MALRD1: variants seen among roughly 807,000 people sequenced by gnomAD.
The protein encoded by MALRD1 is MAM and LDL receptor class A domain containing 1.
A neutral mutation model predicts 242.1 loss-of-function variants in MALRD1; 247 were observed. The ratio of observed to expected loss-of-function variants is 1.02; its 90% CI spans 0.92 to 1.13. The LOEUF is 1.13. MALRD1 is among the 50% of genes most tolerant of loss of function. The probability of loss-of-function intolerance (pLI) is 0.00; values close to 1 mark genes in which losing one functional copy is unlikely to be tolerated. For synonymous variants in MALRD1, 995 were observed against 866.6 expected, an observed-to-expected ratio of 1.15 and a Z score of -2.60; for missense variants, 2,989 against 2,533.1, an observed-to-expected ratio of 1.18 and a Z score of -3.86.
chr10:19,513,341 A>G (rs1245650763), intron 31 of MALRD1, among the ~76,000 whole-genome samples: 4 of 151,986 alleles, frequency 2.6e-5, no homozygotes, highest in African/African-American at 4.8e-5. Context: ...TCATGACCAT[A>G]AGCTTCCTGA....
At chr10:19,158,607 CA>C (rs1834266592) in intron 12 of MALRD1, among the ~76,000 whole-genome samples, 1 of 152,098 alleles carries the variant, frequency 6.6e-6, no homozygotes, top group Admixed American at 6.5e-5. Flanking sequence ...GCTATATTAC[CA>C]AAGTAAACAT....
intron 32 of MALRD1, among the ~76,000 whole-genome samples, chr10:19,534,541 A>G (rs895325170): frequency 1.3e-5 from 2 of 152,322 alleles, no homozygotes; most frequent in East Asian, 1.9e-4. Context: ...ATTGATGCCA[A>G]AAGTCCAATT....
At chr10:19,539,791 A>G (rs1018118281) in intron 32 of MALRD1, among the ~76,000 whole-genome samples, 5 of 149,984 alleles carry the variant, frequency 3.3e-5, no homozygotes, top group East Asian at 2.0e-4. Flanking sequence ...TGCTCAAGTT[A>G]TCCTCCCACG....
At chr10:19,643,171 C>A (rs982774467) in intron 36 of MALRD1, among the ~76,000 whole-genome samples, 2 of 152,128 alleles carry the variant, frequency 1.3e-5, no homozygotes, top group Non-Finnish European at 2.9e-5. Context: ...GTGGCTCACG[C>A]CTGTAATCCC....
intron 11 of MALRD1, among the ~76,000 whole-genome samples, chr10:19,147,522 A>G (rs1833765096): frequency 6.6e-6 from 1 of 152,230 alleles, no homozygotes. Context: ...CATTGTAACT[A>G]TGTATTAACA....
At chr10:19,540,964 A>G (rs1297699479) in intron 32 of MALRD1, among the ~76,000 whole-genome samples, 1 of 152,140 alleles carries the variant, frequency 6.6e-6, no homozygotes, top group Non-Finnish European at 1.5e-5. Context: ...AAATAAAAAT[A>G]TATTCAGGGT....
At chr10:19,322,016 G>C (rs1842931788) in intron 21 of MALRD1, among the ~76,000 whole-genome samples, 1 of 152,058 alleles carries the variant, frequency 6.6e-6, no homozygotes, top group Non-Finnish European at 1.5e-5. Flanking sequence ...GAGAGGCATG[G>C]ACAATTCAAG....
At chr10:19,179,480 T>C (rs1835404267) in intron 14 of MALRD1, among the ~76,000 whole-genome samples, 1 of 151,902 alleles carries the variant, frequency 6.6e-6, no homozygotes, top group African/African-American at 2.4e-5. Context: ...CAAAACCCCA[T>C]CTCTACTAAA....
chr10:19,488,816 G>A (rs1589148137), intron 29 of MALRD1: 1 of 344,136 alleles, frequency 2.9e-6, no homozygotes, highest in South Asian at 2.2e-5. Context: ...CGATGGAAAG[G>A]TGTGTGGCCA....
intron 38 of MALRD1, among the ~76,000 whole-genome samples, chr10:19,714,806 G>A (rs569515502): frequency 6.6e-6 from 1 of 152,274 alleles, no homozygotes; most frequent in East Asian, 1.9e-4. Flanking sequence ...TACAAGGTGT[G>A]TGGGCAGGGT....
At chr10:19,665,501 A>C (rs1841638427) in intron 36 of MALRD1, among the ~76,000 whole-genome samples, 1 of 152,070 alleles carries the variant, frequency 6.6e-6, no homozygotes. Context: ...GGTAGAGTTC[A>C]TTCTCTGTGG....
chr10:19,165,491 G>A, intron 12 of MALRD1, 146 bp from the exon 13 acceptor site: 1 of 485,594 alleles, frequency 2.1e-6, no homozygotes, highest in Non-Finnish European at 3.2e-6. Flanking sequence ...TATTAGTAGA[G>A]ATGGTGTTTC....
At chr10:19,540,961 A>G in intron 32 of MALRD1, among the ~76,000 whole-genome samples, 1 of 152,276 alleles carries the variant, frequency 6.6e-6, no homozygotes, top group South Asian at 2.1e-4. Context: ...TAAAAATAAA[A>G]ATATATTCAG....
At chr10:19,371,865 C>G (rs1246269175) in intron 26 of MALRD1, among the ~76,000 whole-genome samples, 1 of 152,004 alleles carries the variant, frequency 6.6e-6, no homozygotes. Flanking sequence ...TGTTTACTAC[C>G]TGGGTCATAG....
chr10:19,359,279 C>T (rs1202762972), intron 26 of MALRD1, among the ~76,000 whole-genome samples: 1 of 152,078 alleles, frequency 6.6e-6, no homozygotes, highest in African/African-American at 2.4e-5. Context: ...TCACAGAATG[C>T]CTCTTTTTGC....
intron 34 of MALRD1, among the ~76,000 whole-genome samples, chr10:19,595,767 T>C (rs1838065125): frequency 6.6e-6 from 1 of 152,198 alleles, no homozygotes. Context: ...GGAAGTGGTG[T>C]GAGAAGTTCA....
chr10:19,433,871 A>AAC (rs144149293), intron 28 of MALRD1, among the ~76,000 whole-genome samples: 101 of 150,432 alleles, frequency 6.7e-4, no homozygotes, highest in Middle Eastern at 3.4e-3. Context: ...TTATATGGCA[A>AAC]ACACACACAC....
At chr10:19,246,475 G>GA in intron 18 of MALRD1, among the ~76,000 whole-genome samples, 1 of 152,212 alleles carries the variant, frequency 6.6e-6, no homozygotes, top group East Asian at 1.9e-4. Context: ...GCATGAAGGG[G>GA]AAAAAGCCTG....
intron 17 of MALRD1, among the ~76,000 whole-genome samples, chr10:19,208,885 C>T (rs1033091330): frequency 3.3e-5 from 5 of 152,034 alleles, no homozygotes; most frequent in Admixed American, 6.6e-5. Context: ...TTTTAATGTT[C>T]CCTGGTGATT....
Sources: gnomAD v4.1 joint callset for allele counts (sites outside exome capture counted in the v4.1 genomes callset) on GRCh38, gnomAD v4.1.1 for gene constraint, MANE v1.5 for transcripts, NCBI Gene and HGNC (gene_info 2026-07-23, HGNC 2026-07-21) for gene names.